HS3ST1: variants seen among roughly 807,000 people sequenced by gnomAD.
The protein encoded by HS3ST1 is heparan sulfate glucosamine 3-O-sulfotransferase 1.
A neutral mutation model predicts 20.7 loss-of-function variants in HS3ST1; 8 were observed. That is an observed-to-expected ratio of 0.39 (90% CI 0.23 to 0.70). HS3ST1 has a LOEUF of 0.70. Among genes scored for constraint, HS3ST1 ranks in the 30% least tolerant of loss-of-function variants. HS3ST1 has a pLI of 0.46. For missense variants in HS3ST1, 436 were observed against 423.4 expected (o/e 1.03, Z -0.26); for synonymous variants, 205 against 190.4 (o/e 1.08, Z -0.63).
chr4:11,409,074 A>G (rs79697443), intron 1 of HS3ST1, among the ~76,000 whole-genome samples: 25 of 152,348 alleles, frequency 1.6e-4, no homozygotes, highest in African/African-American at 5.3e-4. Flanking sequence ...AAACTGAGGT[A>G]AGCAGAGAAC....
chr4:11,396,768 C>G lies in HS3ST1; in HGVS notation c.*2314G>C, dbSNP rs1718156846. Reference sequence around the variant, plus strand: ...CTCATGGTAGACTCATTTGAACATTCCTTTAGCCACGACTCTGCACCCCCA... The same window carrying G: ...CTCATGGTAGACTCATTTGAACATTGCTTTAGCCACGACTCTGCACCCCCA... On this transcript the variant is annotated 3_prime_UTR_variant, in exon 2 of 2. Coordinates refer to ENST00000002596, the MANE Select transcript of HS3ST1 (RefSeq NM_005114.4). 1 of 152,272 alleles carries G rather than the reference C, an allele frequency of 6.6e-6. No individual in the cohort carries two copies. Among genetic ancestry groups the G allele is most frequent in the South Asian group, 2.1e-4 (1 of 4,824 alleles). 9.4% of individuals were successfully genotyped at this position (152,272 alleles called of 1,614,324 possible).
At chr4:11,413,859 A>G (rs1718698908) in intron 1 of HS3ST1, among the ~76,000 whole-genome samples, 2 of 152,150 alleles carry the variant, frequency 1.3e-5, no homozygotes. Flanking sequence ...CAGAGCTACA[A>G]TTAGAAATAG....
Position 11,399,809 on chromosome 4 carries a change from C to T in HS3ST1, c.197G>A (p.Gly66Asp). The change falls in exon 2 of 2, where the codon GGC becomes GAC. Residue 66 changes from glycine to aspartate, a missense_variant. Physicochemically the swap from Gly to Asp is moderately conservative, Grantham distance 94 (BLOSUM62 -1). Transcript: ENST00000002596. The surrounding 1 kb of genome is among the most constrained non-coding windows in gnomAD (Gnocchi z 5.1). Reference protein sequence around the residue: ...QTIIIGVRKGGTRALLEMLSL... With the variant: ...QTIIIGVRKGDTRALLEMLSL... Reference sequence around the variant, plus strand: ...GAGCATCTCCAGCAGTGCGCGCGTGCCGCCCTTGCGCACGCCGATGATGAT... The same window carrying T: ...GAGCATCTCCAGCAGTGCGCGCGTGTCGCCCTTGCGCACGCCGATGATGAT... The T allele has an allele frequency of 6.2e-7, 1 of 1,613,060 alleles. No homozygotes were observed. Among genetic ancestry groups the T allele is most frequent in the Non-Finnish European group, 8.5e-7 (1 of 1,179,804 alleles).
upstream of HS3ST1, among the ~76,000 whole-genome samples, chr4:11,434,212 C>G (rs1242097249): frequency 1.3e-5 from 2 of 152,012 alleles, no homozygotes; most frequent in African/African-American, 4.8e-5. Context: ...TAAGAACTGG[C>G]TATATATATA....
At chr4:11,406,106 T>C (rs1489456478) in intron 1 of HS3ST1, among the ~76,000 whole-genome samples, 2 of 152,292 alleles carry the variant, frequency 1.3e-5, no homozygotes, top group South Asian at 2.1e-4. Flanking sequence ...AATTCACTTA[T>C]GGGATTTAAC....
upstream of HS3ST1, among the ~76,000 whole-genome samples, chr4:11,430,193 T>G (rs1258572831): frequency 6.6e-6 from 1 of 152,136 alleles, no homozygotes; most frequent in Non-Finnish European, 1.5e-5. Flanking sequence ...AGAAGCACCC[T>G]GAAAGCTGAG....
chr4:11,409,091 C>G (rs1718545897), intron 1 of HS3ST1, among the ~76,000 whole-genome samples: 1 of 152,170 alleles, frequency 6.6e-6, no homozygotes, highest in South Asian at 2.1e-4. Flanking sequence ...GAACAAGAAC[C>G]CCAAGGTCAG....
chr4:11,427,453 A>G (rs1008865094), intron 1 of HS3ST1, among the ~76,000 whole-genome samples: 32 of 152,188 alleles, frequency 2.1e-4, no homozygotes, highest in African/African-American at 7.2e-4. Flanking sequence ...CTCCATGCTA[A>G]CAGGAGACTG....
At chr4:11,410,097 C>G (rs76895852) in intron 1 of HS3ST1, among the ~76,000 whole-genome samples, 2,145 of 152,236 alleles carry the variant, frequency 0.014, 24 homozygotes, top group Non-Finnish European at 0.021. Flanking sequence ...AGAGCAATGC[C>G]TAAGGTCTAT....
In HS3ST1 at chr4:11,399,339, C is replaced by A; in HGVS notation, c.667G>T (p.Asp223Tyr). 1 of 1,614,096 alleles carries A rather than the reference C, an allele frequency of 6.2e-7. No homozygotes were observed. Among genetic ancestry groups the A allele is most frequent in the Non-Finnish European group, 8.5e-7 (1 of 1,180,030 alleles). The change falls in exon 2 of 2, where the codon GAC becomes TAC. Residue 223 changes from aspartate (D) to tyrosine (Y), a missense_variant. Physicochemically the swap from Asp to Tyr is radical, Grantham distance 160 (BLOSUM62 -3). Transcript: ENST00000002596. This position sits in a 1 kb window ranked among gnomAD's most constrained non-coding sequence, Gnocchi z 5.1. ...ACCTTTTGGATCTCAGGGAAGGGGTCCCTGATGAGGCGGTCGCCGTCCACA... is the reference window on the plus strand; with the variant it reads ...ACCTTTTGGATCTCAGGGAAGGGGTACCTGATGAGGCGGTCGCCGTCCACA... ...HIVDGDRLIR[D>Y]PFPEIQKVER...
Position 11,394,252 on chromosome 4 carries a change from T to A in HS3ST1, c.*4830A>T, listed in dbSNP as rs889069902. ...AATCTAAGATCCCATGGTCAGTGATTGGTACAGCTAGGATGCACACCCAGG... is the reference window on the plus strand; with the variant it reads ...AATCTAAGATCCCATGGTCAGTGATAGGTACAGCTAGGATGCACACCCAGG... On this transcript the variant is annotated 3_prime_UTR_variant, in exon 2 of 2. Coordinates refer to ENST00000002596, the MANE Select transcript of HS3ST1 (RefSeq NM_005114.4). The A allele has an allele frequency of 2.6e-5, 4 of 152,264 alleles. No individual in the cohort carries two copies. Among genetic ancestry groups the A allele is most frequent in the African/African-American group, 9.6e-5 (4 of 41,462 alleles). The allele number at this position is 152,264 out of a possible 1,614,324, so 9.4% of individuals were successfully genotyped here.
chr4:11,401,158 G>C (rs1718313431), intron 1 of HS3ST1, among the ~76,000 whole-genome samples: 1 of 152,178 alleles, frequency 6.6e-6, no homozygotes, highest in African/African-American at 2.4e-5. Context: ...AATAATTGGG[G>C]ATGGTTTCAC....
At chr4:11,412,962 G>A (rs1023172241) in intron 1 of HS3ST1, among the ~76,000 whole-genome samples, 1 of 152,152 alleles carries the variant, frequency 6.6e-6, no homozygotes, top group Non-Finnish European at 1.5e-5. Context: ...CTTCTAAGAA[G>A]AGGCCAGAAA....
At position 11,394,914 on chromosome 4, in the gene HS3ST1, T is replaced by C. The variant is rs142503936; in HGVS notation, c.*4168A>G. The C allele has an allele frequency of 1.3e-5, 2 of 152,282 alleles. No individual in the cohort carries two copies. The highest frequency in any genetic ancestry group is 1.9e-4 in the East Asian group (1 of 5,186). The allele number at this position is 152,282 out of a possible 1,614,324, so 9.4% of individuals were successfully genotyped here. A position where few individuals can be genotyped will look rare whatever the true frequency, so the allele number is the denominator to read the frequency against. Reference sequence around the variant, plus strand: ...CACATGGCAGGTGTGCAACAAATGATAGCTATTTTTATGCAACAGATACAC... The same window carrying C: ...CACATGGCAGGTGTGCAACAAATGACAGCTATTTTTATGCAACAGATACAC... On this transcript the variant is annotated 3_prime_UTR_variant, in exon 2 of 2. Coordinates refer to ENST00000002596, the MANE Select transcript of HS3ST1 (RefSeq NM_005114.4).
At chr4:11,401,342 A>G in intron 1 of HS3ST1, among the ~76,000 whole-genome samples, 1 of 132,800 alleles carries the variant, frequency 7.5e-6, no homozygotes, top group African/African-American at 2.9e-5. Flanking sequence ...GGCAGATGTC[A>G]CCGCCATTTT....
chr4:11,405,203 G>GGA (rs773925135), intron 1 of HS3ST1, among the ~76,000 whole-genome samples: 1 of 152,216 alleles, frequency 6.6e-6, no homozygotes, highest in Non-Finnish European at 1.5e-5. Context: ...GGTCCCAAAG[G>GGA]GAGACCCAGC....
At position 11,395,889 on chromosome 4, in the gene HS3ST1, C is replaced by G. The variant is rs1004576019; in HGVS notation, c.*3193G>C. The stretch of plus-strand genomic sequence containing the variant: ...CATGGAACACATTCCCCCACCCATT[C>G]TATACACAGCTAAATGTCTTTGCCT... On this transcript the variant is annotated 3_prime_UTR_variant, in exon 2 of 2. Coordinates refer to ENST00000002596, the MANE Select transcript of HS3ST1 (RefSeq NM_005114.4). 6.6e-6 allele frequency: 1 copy of G among 152,226 alleles called. No homozygotes were observed. The highest frequency in any genetic ancestry group is 2.4e-5 in the African/African-American group (1 of 41,436). The allele number at this position is 152,226 out of a possible 1,614,324, so 9.4% of individuals were successfully genotyped here.
intron 1 of HS3ST1, 95 bp from the exon 2 acceptor site, chr4:11,400,208 A>T (rs1417308835): frequency 4.8e-6 from 5 of 1,043,180 alleles, no homozygotes; most frequent in Non-Finnish European, 6.5e-6. Flanking sequence ...GCCTATATTC[A>T]CCTCCCCAGG....
intron 1 of HS3ST1, among the ~76,000 whole-genome samples, chr4:11,401,057 G>A (rs562919724): frequency 2.0e-4 from 31 of 152,276 alleles, no homozygotes; most frequent in African/African-American, 7.0e-4. Flanking sequence ...GTTAATTGAC[G>A]CAGCCTGACT....
Sources: gnomAD v4.1 joint callset for allele counts (sites outside exome capture counted in the v4.1 genomes callset) on GRCh38, gnomAD v4.1.1 for gene constraint, Gnocchi (gnomAD v3.1) non-coding constraint, MANE v1.5 for transcripts, NCBI Gene and HGNC (gene_info 2026-07-23, HGNC 2026-07-21) for gene names.